The following ADGRL2 variants were observed in gnomAD, a reference collection of about 807,000 sequenced individuals.
The protein encoded by ADGRL2 is calcium-independent alpha-latrotoxin receptor 2.
In ADGRL2, 44 loss-of-function variants were observed where a neutral mutation model predicts 157.4. The ratio of observed to expected loss-of-function variants is 0.28; its 90% CI spans 0.22 to 0.36. The LOEUF (loss-of-function observed/expected upper bound fraction) is 0.36. Ranked by LOEUF, ADGRL2 falls within the 10% of genes least tolerant of loss-of-function variation. ADGRL2 has a pLI of 1.00. For synonymous variants in ADGRL2, 585 were observed against 624.7 expected (o/e 0.94, Z 0.95); for missense variants, 1,510 against 1,768.9 (o/e 0.85, Z 2.63).
chr1:81,890,924 T>A (rs1490513615), intron 2 of ADGRL2, among the ~76,000 whole-genome samples: 1 of 152,138 alleles, frequency 6.6e-6, no homozygotes, highest in Admixed American at 6.6e-5. Context: ...TGCCTTTTTG[T>A]TCATCTACTC....
At chr1:81,780,257 A>C (rs754913153) in intron 2 of ADGRL2, among the ~76,000 whole-genome samples, 1 of 152,164 alleles carries the variant, frequency 6.6e-6, no homozygotes, top group African/African-American at 2.4e-5. Flanking sequence ...TGTTTATATG[A>C]CCAAATTCTA....
At chr1:81,518,710 T>G (rs2079239653) in intron 2 of ADGRL2, among the ~76,000 whole-genome samples, 1 of 152,066 alleles carries the variant, frequency 6.6e-6, no homozygotes, top group Admixed American at 6.6e-5. Flanking sequence ...AATAATGGCA[T>G]TTAGGCTTGG....
chr1:81,793,989 T>C (rs2087468891), intron 2 of ADGRL2, among the ~76,000 whole-genome samples: 1 of 152,160 alleles, frequency 6.6e-6, no homozygotes, highest in Non-Finnish European at 1.5e-5. Flanking sequence ...TTACATTTCA[T>C]AGCCAGCATT....
intron 2 of ADGRL2, chr1:81,503,101 T>C: frequency 1.9e-6 from 3 of 1,611,776 alleles, no homozygotes; most frequent in Non-Finnish European, 2.5e-6. Context: ...GAAGAAGGCG[T>C]CGAGGCTGTC....
intron 4 of ADGRL2, among the ~76,000 whole-genome samples, chr1:81,940,169 C>CT (rs1282527754): frequency 6.6e-6 from 1 of 151,158 alleles, no homozygotes; most frequent in Non-Finnish European, 1.5e-5. Flanking sequence ...GTTTTAAGTT[C>CT]TTTTTTAAAT....
chr1:81,452,871 C>A (rs985915211), intron 2 of ADGRL2, among the ~76,000 whole-genome samples: 7 of 152,098 alleles, frequency 4.6e-5, no homozygotes, highest in Non-Finnish European at 5.9e-5. Flanking sequence ...TGTTGAAGTT[C>A]CCCAGGCAAT....
At chr1:81,554,203 CT>C (rs1005134817) in intron 2 of ADGRL2, among the ~76,000 whole-genome samples, 7 of 152,314 alleles carry the variant, frequency 4.6e-5, no homozygotes, top group African/African-American at 1.7e-4. Context: ...CCAGGAGACA[CT>C]TACTTTTCAG....
intron 2 of ADGRL2, among the ~76,000 whole-genome samples, chr1:81,840,200 A>G (rs1014251107): frequency 5.9e-5 from 9 of 152,008 alleles, no homozygotes; most frequent in African/African-American, 1.7e-4. Flanking sequence ...CCATTCCAGT[A>G]TTTAGCTTGG....
At chr1:81,799,902 A>G (rs759642928), upstream of ADGRL2, among the ~76,000 whole-genome samples, 29 of 151,702 alleles carry the variant, frequency 1.9e-4, no homozygotes, top group Non-Finnish European at 4.3e-4. Flanking sequence ...AAAAAAATCC[A>G]TGTTTGAATT....
chr1:81,444,046 G>A (rs1312625196), intron 1 of ADGRL2, among the ~76,000 whole-genome samples: 1 of 152,226 alleles, frequency 6.6e-6, no homozygotes, highest in Non-Finnish European at 1.5e-5. Context: ...AGACCCACTT[G>A]TAGCCAGAGT....
intron 3 of ADGRL2, among the ~76,000 whole-genome samples, chr1:81,618,852 T>A (rs1252186208): frequency 8.9e-6 from 1 of 112,882 alleles, no homozygotes; most frequent in African/African-American, 2.7e-5. Flanking sequence ...CTGGAGAAGG[T>A]TTTTTTTTTT....
intron 3 of ADGRL2, among the ~76,000 whole-genome samples, chr1:81,920,175 A>G (rs1486708287): frequency 3.3e-5 from 5 of 152,160 alleles, no homozygotes; most frequent in South Asian, 2.1e-4. Context: ...GCGGTTTCCT[A>G]TGTGGGCCAA....
At chr1:81,937,194 G>A (rs2095323208) in intron 4 of ADGRL2, among the ~76,000 whole-genome samples, 1 of 151,896 alleles carries the variant, frequency 6.6e-6, no homozygotes, top group Admixed American at 6.6e-5. Flanking sequence ...ATTGACTTCA[G>A]TTTTAATCGT....
chr1:81,479,792 C>T (rs999017085), intron 2 of ADGRL2, among the ~76,000 whole-genome samples: 1 of 152,098 alleles, frequency 6.6e-6, no homozygotes, highest in South Asian at 2.1e-4. Context: ...CCAGGAAAGT[C>T]TTGTTTCTAA....
intron 2 of ADGRL2, among the ~76,000 whole-genome samples, chr1:81,905,231 G>C (rs551979385): frequency 2.0e-5 from 3 of 151,766 alleles, no homozygotes; most frequent in Non-Finnish European, 2.9e-5. Flanking sequence ...CCTAGTAACT[G>C]GGATTACAGG....
At chr1:81,322,132 A>G (rs958966639) in intron 1 of ADGRL2, among the ~76,000 whole-genome samples, 1 of 146,926 alleles carries the variant, frequency 6.8e-6, no homozygotes, top group African/African-American at 2.5e-5. Context: ...ATACACACAC[A>G]CACGTACATA....
chr1:81,840,661 C>T (rs2092538381), intron 2 of ADGRL2, among the ~76,000 whole-genome samples: 1 of 151,994 alleles, frequency 6.6e-6, no homozygotes, highest in South Asian at 2.1e-4. Flanking sequence ...AGAATCAAGT[C>T]TTACCCATTA....
chr1:81,965,387 C>G (rs1257391426), intron 11 of ADGRL2, among the ~76,000 whole-genome samples: 2 of 152,142 alleles, frequency 1.3e-5, no homozygotes, highest in African/African-American at 4.8e-5. Flanking sequence ...CCTGCAGGTT[C>G]TATTTTGCCC....
chr1:81,571,547 G>A (rs1345198856), intron 2 of ADGRL2, among the ~76,000 whole-genome samples: 2 of 151,244 alleles, frequency 1.3e-5, no homozygotes, highest in Non-Finnish European at 2.9e-5. Flanking sequence ...AATTTTATGT[G>A]ACAGAATGAT....
Sources: allele counts gnomAD v4.1 joint callset (sites outside exome capture counted in the v4.1 genomes callset), GRCh38; gene constraint gnomAD v4.1.1; transcripts MANE v1.5; gene names NCBI Gene and HGNC (gene_info 2026-07-23, HGNC 2026-07-21).